LSAMP: variants seen among roughly 807,000 people sequenced by gnomAD.
The protein encoded by LSAMP is limbic system associated membrane protein, also known as limbic system-associated membrane protein.
In LSAMP, 7 loss-of-function variants were observed where a neutral mutation model predicts 38.6. The ratio of observed to expected loss-of-function variants is 0.18; its 90% CI spans 0.10 to 0.34. LSAMP has a LOEUF of 0.34. LSAMP is among the 10% of genes least tolerant of loss of function. The pLI is 1.00. For missense variants in LSAMP, 313 were observed against 420.0 expected (o/e 0.75, Z 2.23); for synonymous variants, 154 against 166.8 (o/e 0.92, Z 0.59).
intron 2 of LSAMP, among the ~76,000 whole-genome samples, chr3:116,048,120 G>T (rs1465237183): frequency 6.6e-6 from 1 of 152,192 alleles, no homozygotes; most frequent in Non-Finnish European, 1.5e-5. Flanking sequence ...GGATGAATTT[G>T]TGAATAAACT....
intron 1 of LSAMP, among the ~76,000 whole-genome samples, chr3:116,197,163 A>ACACACACACACACACACACACTCTCTCT (rs1268040540): frequency 7.2e-6 from 1 of 139,088 alleles, no homozygotes; most frequent in African/African-American, 2.6e-5. Flanking sequence ...ACACACACAC[A>ACACACACACACACACACACACTCTCTCT]CTCTCTCTCT....
chr3:116,077,320 A>G (rs916324955), intron 2 of LSAMP, among the ~76,000 whole-genome samples: 17 of 152,026 alleles, frequency 1.1e-4, no homozygotes, highest in Non-Finnish European at 2.9e-5. Context: ...TCATGTTAAG[A>G]AATAAATCAT....
At chr3:115,850,594 A>C (rs574093546) in intron 4 of LSAMP, among the ~76,000 whole-genome samples, 2 of 152,226 alleles carry the variant, frequency 1.3e-5, no homozygotes, top group Non-Finnish European at 2.9e-5. Flanking sequence ...ACTAGAAAAT[A>C]ATAGTAATAA....
rs985311745 is a variant in LSAMP at position 116,263,667 on chromosome 3, T to C, written c.156-177111A>G. ...ATCAAAATTAAACCAACTTTTATAT[T>C]GCATTTTATTAAATTTTATGTTTTT... is the stretch of plus-strand genomic sequence containing the variant. On this transcript the variant is annotated intron_variant, in intron 1 of 6. Coordinates refer to ENST00000490035, the MANE Select transcript of LSAMP (RefSeq NM_002338.5). Among the ~76,000 whole-genome samples the C allele has an allele frequency of 1.3e-4, 4 of 29,970 alleles. No individual in the cohort carries two copies. In the Admixed American group the frequency reaches 2.0e-3, roughly 15 times the overall value. 19.7% of individuals were successfully genotyped at this position (29,970 alleles called of 152,430 possible). A position where few individuals can be genotyped will look rare whatever the true frequency, so the allele number is the denominator to read the frequency against.
At chr3:116,005,663 T>C (rs1441463937) in intron 3 of LSAMP, among the ~76,000 whole-genome samples, 1 of 152,198 alleles carries the variant, frequency 6.6e-6, no homozygotes, top group Non-Finnish European at 1.5e-5. Flanking sequence ...TTATCTCCTC[T>C]AGCAACAATC....
At chr3:116,134,369 AAAAG>A (rs1265231832) in intron 1 of LSAMP, among the ~76,000 whole-genome samples, 3 of 152,178 alleles carry the variant, frequency 2.0e-5, no homozygotes, top group Non-Finnish European at 2.9e-5. Flanking sequence ...ACCTTAAAAA[AAAAG>A]AAAGAAATCA....
chr3:115,868,715 A>G (rs548517146), intron 3 of LSAMP, among the ~76,000 whole-genome samples: 16 of 152,286 alleles, frequency 1.1e-4, no homozygotes, highest in Admixed American at 7.2e-4. Context: ...AATTTAATCA[A>G]AACCATAAAG....
At chr3:115,832,465 CA>C (rs1934645410) in intron 6 of LSAMP, among the ~76,000 whole-genome samples, 1 of 152,132 alleles carries the variant, frequency 6.6e-6, no homozygotes, top group South Asian at 2.1e-4. Context: ...CACAGTGAGG[CA>C]TGCTTCTCAT....
intron 3 of LSAMP, among the ~76,000 whole-genome samples, chr3:115,863,887 G>A (rs1935783412): frequency 6.6e-6 from 1 of 152,046 alleles, no homozygotes; most frequent in African/African-American, 2.4e-5. Flanking sequence ...TCTGGCATAA[G>A]GGAAAAAGAA....
At chr3:116,061,812 T>C (rs958844364) in intron 2 of LSAMP, among the ~76,000 whole-genome samples, 1 of 152,228 alleles carries the variant, frequency 6.6e-6, no homozygotes. Flanking sequence ...AGGAGGCAAA[T>C]AGATATTAAA....
chr3:116,195,943 G>T (rs1710873162), intron 1 of LSAMP, among the ~76,000 whole-genome samples: 1 of 152,162 alleles, frequency 6.6e-6, no homozygotes, highest in Admixed American at 6.5e-5. Flanking sequence ...ATTAAGTGAT[G>T]AGATTCATTG....
intron 3 of LSAMP, among the ~76,000 whole-genome samples, chr3:115,964,614 C>T (rs75255590): frequency 6.6e-6 from 1 of 151,904 alleles, no homozygotes; most frequent in Non-Finnish European, 1.5e-5. Flanking sequence ...ATTCATTATG[C>T]GCAGATGATA....
chr3:116,290,822 A>G (rs2047257556), intron 1 of LSAMP, among the ~76,000 whole-genome samples: 1 of 151,626 alleles, frequency 6.6e-6, no homozygotes, highest in Non-Finnish European at 1.5e-5. Flanking sequence ...TATCCTTGAT[A>G]TAATCAATCA....
intron 2 of LSAMP, among the ~76,000 whole-genome samples, chr3:116,073,291 CTGT>C (rs1707657504): frequency 6.6e-6 from 1 of 152,060 alleles, no homozygotes; most frequent in Admixed American, 6.6e-5. Context: ...CATTACCGTG[CTGT>C]TGTTGTTACT....
rs142874039 is a variant in LSAMP at position 116,092,627 on chromosome 3, T to C, written c.156-6071A>G. ...CAAAAAATCAATGCACCCATACAAA[T>C]CTTAAGCATTGAATTTCTTCAAACA... is the stretch of plus-strand genomic sequence containing the variant. On this transcript the variant is annotated intron_variant, in intron 1 of 6. Transcript: ENST00000490035. Among the ~76,000 whole-genome samples, 1,520 of 152,330 alleles carry C rather than the reference T, an allele frequency of 1.0e-2. 21 individuals carry two copies. The highest frequency in any genetic ancestry group is 0.033 in the African/African-American group (1,366 of 41,574).
intron 1 of LSAMP, among the ~76,000 whole-genome samples, chr3:116,100,468 T>C (rs977745779): frequency 8.5e-5 from 13 of 152,204 alleles, no homozygotes; most frequent in Non-Finnish European, 1.5e-5. Flanking sequence ...AAAAATTATT[T>C]AAACAAATTT....
intron 1 of LSAMP, among the ~76,000 whole-genome samples, chr3:116,241,785 T>C (rs938742374): frequency 2.0e-5 from 3 of 152,198 alleles, no homozygotes; most frequent in Non-Finnish European, 4.4e-5. Context: ...CTGCATATTC[T>C]CATGTTGTAG....
chr3:116,268,069 C>CATTAAAGAA (rs1221135455), intron 1 of LSAMP, among the ~76,000 whole-genome samples: 1 of 152,132 alleles, frequency 6.6e-6, no homozygotes, highest in Non-Finnish European at 1.5e-5. Flanking sequence ...GGCTATTTTA[C>CATTAAAGAA]ATTAAAGAAA....
At chr3:116,281,989 G>T (rs768756460) in intron 1 of LSAMP, among the ~76,000 whole-genome samples, 3 of 152,204 alleles carry the variant, frequency 2.0e-5, no homozygotes, top group Non-Finnish European at 4.4e-5. Context: ...TGTGGAAAGG[G>T]ATGCTATTTA....
Sources: allele counts gnomAD v4.1 joint callset (sites outside exome capture counted in the v4.1 genomes callset), GRCh38; gene constraint gnomAD v4.1.1; transcripts MANE v1.5; gene names NCBI Gene and HGNC (gene_info 2026-07-23, HGNC 2026-07-21).